The following ZXDC variants were observed in gnomAD, a reference collection of about 807,000 sequenced individuals.
The protein encoded by ZXDC is ZXD family zinc finger C.
In ZXDC, 58 loss-of-function variants were observed where a neutral mutation model predicts 63.6. The observed-to-expected ratio is 0.91, with a 90% CI of 0.74 to 1.13. The LOEUF (loss-of-function observed/expected upper bound fraction) is 1.13, where lower values mean the gene tolerates loss of function less well. Ranked by LOEUF, ZXDC falls within the 50% of genes most tolerant of loss-of-function variation. ZXDC has a pLI of 0.00. For missense variants in ZXDC, 1,133 were observed against 1,148.9 expected, an observed-to-expected ratio of 0.99 and a Z score of 0.20; for synonymous variants, 561 against 496.1, an observed-to-expected ratio of 1.13 and a Z score of -1.74.
intron 7 of ZXDC, 73 bp downstream of exon 7, chr3:126,459,580 T>C: frequency 6.2e-7 from 1 of 1,606,616 alleles, no homozygotes. Flanking sequence ...ACCTGCTGTG[T>C]TTCTTCTGCC....
intron 4 of ZXDC, 32 bp downstream of exon 4, chr3:126,470,863 T>C: frequency 1.9e-6 from 3 of 1,610,174 alleles, no homozygotes; most frequent in Non-Finnish European, 8.5e-7. Flanking sequence ...TTGCACTTAG[T>C]TTACTGCTCA....
chr3:126,463,169 C>T (rs1934624249), intron 5 of ZXDC, among the ~76,000 whole-genome samples: 1 of 152,108 alleles, frequency 6.6e-6, no homozygotes, highest in Non-Finnish European at 1.5e-5. Context: ...CCCGGGTTCA[C>T]CCCGTTCTCT....
rs534985971 is a variant in ZXDC, at chr3:126,473,526, T to C, written c.908-1221A>G. 5.9e-5 allele frequency among the ~76,000 whole-genome samples: 9 copies of C among 152,278 alleles called. No homozygotes were observed. The South Asian group carries it at 8.3e-4, about 14-fold the overall frequency. ...CTGGAAGCAGGCGGGATCCCTGACC[T>C]TCCCAGTGTCATACACAGAATGATA... On this transcript the variant is annotated intron_variant, in intron 1 of 9. Transcript: ENST00000389709.
intron 8 of ZXDC, chr3:126,440,109 G>A: frequency 9.7e-7 from 1 of 1,031,790 alleles, no homozygotes; most frequent in Non-Finnish European, 1.2e-6. Context: ...CAAATCCTCG[G>A]GCCCCACAGA....
At position 126,441,898 on chromosome 3, in the gene ZXDC, G is replaced by A; in HGVS notation, c.2261C>T (p.Pro754Leu). ...QRKIKEGKMS[P>L]PHFHASQNSW... ...GTTCTGGCTTGCATGGAAATGGGGA[G>A]GACTCATTTTGCCTTCTTTTATTTT... The change falls in exon 8 of 10, where the codon CCT (proline) becomes CTT (leucine). Residue 754 changes from proline to leucine, a missense_variant. Pro to Leu is a moderately conservative substitution (Grantham distance 98). Transcript: ENST00000389709. 1.2e-6 allele frequency: 2 copies of A among 1,612,438 alleles called. No homozygotes were observed. The highest frequency in any genetic ancestry group is 1.7e-6 in the Non-Finnish European group (2 of 1,179,350).
chr3:126,473,459 C>T (rs1935052553), intron 1 of ZXDC, among the ~76,000 whole-genome samples: 1 of 152,158 alleles, frequency 6.6e-6, no homozygotes, highest in Non-Finnish European at 1.5e-5. Flanking sequence ...CACAAGAAGC[C>T]TCATGGATCA....
Position 126,475,745 on chromosome 3 carries a change from G to A in ZXDC, c.121C>T (p.Leu41=). 8.6e-7 allele frequency: 1 copy of A among 1,169,048 alleles called. No homozygotes were observed. Among genetic ancestry groups the A allele is most frequent in the Non-Finnish European group, 1.1e-6 (1 of 949,478 alleles). The allele number at this position is 1,169,048 out of a possible 1,614,324, so 72.4% of individuals were successfully genotyped here. The change falls in exon 1 of 10, where the codon CTA becomes TTA. Residue 41 remains leucine, a synonymous_variant. Transcript: ENST00000389709. The stretch of plus-strand genomic sequence containing the variant: ...CCATCTTCAGGGCCCCGCACCAGTA[G>A]CAGGCGGCGGCGCGCGGGGCTCGCG... The part of the protein sequence containing the change: ...LGASPARRRL[L]LVRGPEDGGP...
rs537674783 is a variant in ZXDC at position 126,464,684 on chromosome 3, G to A, written c.1441+1471C>T. Among the ~76,000 whole-genome samples, 10 of 152,216 alleles carry A rather than the reference G, an allele frequency of 6.6e-5. No homozygotes were observed. In the South Asian group the frequency reaches 1.9e-3, roughly 28 times the overall value. On this transcript the variant is annotated intron_variant, in intron 5 of 9. Transcript: ENST00000389709. Reference sequence around the variant, plus strand: ...AATTGGCCAGGTCAGGAAAGGGGAAGTGTGCCATGAGAGGGAACGGCCAAA... The same window carrying A: ...AATTGGCCAGGTCAGGAAAGGGGAAATGTGCCATGAGAGGGAACGGCCAAA...
At position 126,464,492 on chromosome 3, in the gene ZXDC, G is replaced by A. The variant is rs530129645; in HGVS notation, c.1441+1663C>T. 1.1e-4 allele frequency among the ~76,000 whole-genome samples: 17 copies of A among 152,230 alleles called. No homozygotes were observed. The South Asian group carries it at 3.5e-3, about 32-fold the overall frequency. ...TTCACTAGACGAAAGGGTGACACCTGGTCTTCTACCCCTGACAGCTGGCAG... is the reference window on the plus strand; with the variant it reads ...TTCACTAGACGAAAGGGTGACACCTAGTCTTCTACCCCTGACAGCTGGCAG... On this transcript the variant is annotated intron_variant, in intron 5 of 9. Transcript: ENST00000389709.
chr3:126,448,022 T>C (rs954356270), intron 7 of ZXDC, among the ~76,000 whole-genome samples: 4 of 152,200 alleles, frequency 2.6e-5, no homozygotes, highest in African/African-American at 9.7e-5. Context: ...CAGCCCTGGC[T>C]GAACTCTTCC....
chr3:126,438,101 GA>G lies in ZXDC; in HGVS notation c.*273del, dbSNP rs201550023. 1,840 of 521,114 alleles carry G rather than the reference GA, an allele frequency of 3.5e-3. 28 individuals are homozygous for G. Among genetic ancestry groups the G allele is most frequent in the African/African-American group, 0.031 (1,597 of 52,324 alleles). The allele number at this position is 521,114 out of a possible 1,614,324, so 32.3% of individuals were successfully genotyped here. A position where few individuals can be genotyped will look rare whatever the true frequency, so the allele number is the denominator to read the frequency against. On this transcript the variant is annotated 3_prime_UTR_variant, in exon 10 of 10. Transcript: ENST00000389709. ...CAGCTCAGATCCAACGGGACACGGG[GA>G]AAGAGGCTGTAGTGCACCTAGCCCT...
At chr3:126,454,959 C>G (rs1449500127) in intron 7 of ZXDC, 3 of 985,334 alleles carry the variant, frequency 3.0e-6, no homozygotes, top group East Asian at 1.1e-4. Flanking sequence ...AATGCTATTG[C>G]TCAGACTGTA....
rs1039834344 is a variant in ZXDC, at chr3:126,451,413, A to G, written c.2212+8240T>C. On this transcript the variant is annotated intron_variant, in intron 7 of 9. Coordinates refer to ENST00000389709, the MANE Select transcript of ZXDC (RefSeq NM_025112.5). Reference sequence around the variant, plus strand: ...AAACAGTCCCGCACTGAGCAGCAGCAGCATGTGCAGCTTCACACAGATCCC... The same window carrying G: ...AAACAGTCCCGCACTGAGCAGCAGCGGCATGTGCAGCTTCACACAGATCCC... The G allele has an allele frequency of 6.1e-6, 6 of 985,332 alleles. No homozygotes were observed. The African/African-American group carries it at 1.0e-4, about 17-fold the overall frequency. The allele number at this position is 985,332 out of a possible 1,614,324, so 61.0% of individuals were successfully genotyped here. A position where few individuals can be genotyped will look rare whatever the true frequency, so the allele number is the denominator to read the frequency against.
intron 7 of ZXDC, chr3:126,451,217 A>G (rs1934087961): frequency 1.0e-6 from 1 of 985,126 alleles, no homozygotes; most frequent in African/African-American, 1.7e-5. Context: ...CAATCTTAAC[A>G]CTCAGGAAAA....
At chr3:126,468,077 C>T (rs1934844186) in intron 4 of ZXDC, among the ~76,000 whole-genome samples, 1 of 152,148 alleles carries the variant, frequency 6.6e-6, no homozygotes, top group African/African-American at 2.4e-5. Context: ...TGTTTCCATT[C>T]TTTACAAATC....
chr3:126,472,123 C>T, intron 2 of ZXDC, 30 bp downstream of exon 2: 1 of 1,609,054 alleles, frequency 6.2e-7, no homozygotes, highest in Middle Eastern at 1.7e-4. Flanking sequence ...AATCTTGGGT[C>T]CAAATGCTGT....
At chr3:126,451,227 A>C (rs1373429828) in intron 7 of ZXDC, 1 of 985,308 alleles carries the variant, frequency 1.0e-6, no homozygotes, top group Non-Finnish European at 1.2e-6. Flanking sequence ...ACTCAGGAAA[A>C]CACCACTTCA....
At chr3:126,441,077 A>T (rs1933657314) in intron 8 of ZXDC, 1 of 985,448 alleles carries the variant, frequency 1.0e-6, no homozygotes, top group Non-Finnish European at 1.2e-6. Flanking sequence ...TCTCTCCCCA[A>T]ATCCTTCCAA....
chr3:126,461,946 A>C lies in ZXDC; in HGVS notation c.1716T>G (p.Ser572Arg). ...PMEPLVLVAHSDIPPSLDSPL... is the reference protein window; with the variant it reads ...PMEPLVLVAHRDIPPSLDSPL... ...GGCTGTCCAGGCTTGGGGGAATATC[A>C]CTGTGGGCCACCAGGACCAGGGGTT... Residue 572 changes from serine (S) to arginine (R), a missense_variant, in exon 6 of 10, where the codon AGT becomes AGG. Physicochemically the swap from Ser to Arg is moderately radical, Grantham distance 110. Coordinates refer to ENST00000389709, the MANE Select transcript of ZXDC (RefSeq NM_025112.5). 2 of 1,613,912 alleles carry C rather than the reference A, an allele frequency of 1.2e-6. No homozygotes were observed. Among genetic ancestry groups the C allele is most frequent in the Admixed American group, 1.7e-5 (1 of 60,004 alleles).
Sources: gnomAD v4.1 joint callset for allele counts (sites outside exome capture counted in the v4.1 genomes callset) on GRCh38, gnomAD v4.1.1 for gene constraint, MANE v1.5 for transcripts, NCBI Gene and HGNC (gene_info 2026-07-23, HGNC 2026-07-21) for gene names.